ENTREP2: variants seen among roughly 807,000 people sequenced by gnomAD.
ENTREP2 encodes protein ENTREP2.
At chr15:29,434,047 T>C in the ENTREP2 span, among the ~76,000 whole-genome samples, 27,665 of 152,196 alleles carry the variant, frequency 0.18, 3,087 homozygotes, top group Middle Eastern at 0.37. Context: ...GCTTAGAGTG[T>C]ACAACAGTAC....
the ENTREP2 span, among the ~76,000 whole-genome samples, chr15:29,535,935 G>C: frequency 6.6e-6 from 1 of 152,132 alleles, no homozygotes; most frequent in African/African-American, 2.4e-5. Flanking sequence ...ACAGGGGCTA[G>C]TCGGAAAACA....
chr15:29,630,754 C>T, the ENTREP2 span, among the ~76,000 whole-genome samples: 1 of 152,220 alleles, frequency 6.6e-6, no homozygotes, highest in Non-Finnish European at 1.5e-5. Flanking sequence ...GTGGCATGAT[C>T]TCAGCTCACT....
At chr15:29,329,177 A>G in the ENTREP2 span, among the ~76,000 whole-genome samples, 1 of 152,046 alleles carries the variant, frequency 6.6e-6, no homozygotes, top group Non-Finnish European at 1.5e-5. Context: ...CCTGGCTAAC[A>G]TGGTGAAACC....
At chr15:29,124,087 C>T in the ENTREP2 span, among the ~76,000 whole-genome samples, 2 of 114,890 alleles carry the variant, frequency 1.7e-5, no homozygotes, top group African/African-American at 8.4e-5. Context: ...CATGAGACCG[C>T]CCCCCCCATC....
At chr15:29,394,026 T>C in the ENTREP2 span, among the ~76,000 whole-genome samples, 7 of 152,254 alleles carry the variant, frequency 4.6e-5, no homozygotes, top group African/African-American at 1.7e-4. Flanking sequence ...AAGACAAGGA[T>C]TCCATTCACA....
the ENTREP2 span, among the ~76,000 whole-genome samples, chr15:29,403,158 A>T: frequency 6.6e-6 from 1 of 152,166 alleles, no homozygotes; most frequent in Admixed American, 6.5e-5. Flanking sequence ...CTGCACAGAA[A>T]GTGGTTAGCC....
chr15:29,256,394 TAACC>T, the ENTREP2 span, among the ~76,000 whole-genome samples: 1 of 152,310 alleles, frequency 6.6e-6, no homozygotes, highest in South Asian at 2.1e-4. Context: ...GGTTTTTATG[TAACC>T]ATATTAATTT....
the ENTREP2 span, among the ~76,000 whole-genome samples, chr15:29,286,330 G>T: frequency 9.2e-5 from 14 of 152,140 alleles, no homozygotes; most frequent in Non-Finnish European, 1.9e-4. Context: ...AAAGTAGCTC[G>T]ATATAAGGTT....
At chr15:29,567,808 C>T in the ENTREP2 span, among the ~76,000 whole-genome samples, 1 of 152,168 alleles carries the variant, frequency 6.6e-6, no homozygotes. Context: ...GTTGTTTCTA[C>T]AATGGGTTTT....
At chr15:29,651,189 T>C in the ENTREP2 span, among the ~76,000 whole-genome samples, 1 of 152,162 alleles carries the variant, frequency 6.6e-6, no homozygotes, top group African/African-American at 2.4e-5. Context: ...CCACTCGTAA[T>C]TGATTGGAGC....
At chr15:29,626,010 C>T in the ENTREP2 span, among the ~76,000 whole-genome samples, 1 of 152,002 alleles carries the variant, frequency 6.6e-6, no homozygotes, top group Non-Finnish European at 1.5e-5. Context: ...CCACACTTGG[C>T]TAATTTTTTT....
chr15:29,592,926 G>A, the ENTREP2 span, among the ~76,000 whole-genome samples: 1 of 152,132 alleles, frequency 6.6e-6, no homozygotes, highest in Non-Finnish European at 1.5e-5. Flanking sequence ...CTTACACCAT[G>A]AGTGGAAGCT....
the ENTREP2 span, among the ~76,000 whole-genome samples, chr15:29,220,324 G>A: frequency 3.9e-5 from 6 of 152,238 alleles, no homozygotes; most frequent in African/African-American, 1.4e-4. Context: ...GGTCTGTTAT[G>A]ATTCTGTCCA....
At chr15:29,475,254 TACAGGCTCACA>T in the ENTREP2 span, among the ~76,000 whole-genome samples, 1 of 151,754 alleles carries the variant, frequency 6.6e-6, no homozygotes, top group African/African-American at 2.4e-5. Context: ...GCTGAGAGAG[TACAGGCTCACA>T]GCAGGCTGCA....
the ENTREP2 span, among the ~76,000 whole-genome samples, chr15:29,335,019 T>C: frequency 0.69 from 105,007 of 152,010 alleles, 37,746 homozygotes; most frequent in Middle Eastern, 0.82. Context: ...CAGCCAACAG[T>C]GGGAACCAAG....
the ENTREP2 span, among the ~76,000 whole-genome samples, chr15:29,667,543 G>A: frequency 1.4e-5 from 2 of 139,232 alleles, no homozygotes; most frequent in Non-Finnish European, 3.0e-5. Flanking sequence ...CTAGGCTAGA[G>A]TGCAATGGCG....
chr15:29,160,976 T>G, the ENTREP2 span, among the ~76,000 whole-genome samples: 2 of 152,072 alleles, frequency 1.3e-5, no homozygotes, highest in African/African-American at 4.8e-5. Context: ...TGGTAATAAT[T>G]ATAAGGGATG....
At chr15:29,648,956 A>AC in the ENTREP2 span, among the ~76,000 whole-genome samples, 1 of 151,224 alleles carries the variant, frequency 6.6e-6, no homozygotes, top group African/African-American at 2.4e-5. Context: ...AACAACAACA[A>AC]AAAAAACTGT....
chr15:29,218,309 TC>T, the ENTREP2 span, among the ~76,000 whole-genome samples: 1 of 152,060 alleles, frequency 6.6e-6, no homozygotes, highest in Non-Finnish European at 1.5e-5. Context: ...GCCCTAGAAC[TC>T]CTAAGAGTAT....
Sources: gnomAD v4.1 joint callset for allele counts (sites outside exome capture counted in the v4.1 genomes callset) on GRCh38, gnomAD v4.1.1 for gene constraint, MANE v1.5 for transcripts, NCBI Gene and HGNC (gene_info 2026-07-23, HGNC 2026-07-21) for gene names.